INTS2: variants seen among roughly 807,000 people sequenced by gnomAD.
INTS2 encodes the protein integrator complex subunit 2.
A neutral mutation model predicts 139.6 loss-of-function variants in INTS2; 57 were observed. The observed-to-expected ratio is 0.41, with a 90% CI of 0.33 to 0.51. INTS2 has a LOEUF of 0.51. Among genes scored for constraint, INTS2 ranks in the 20% least tolerant of loss-of-function variants. INTS2 has a pLI of 0.28. For missense variants in INTS2, 1,196 were observed against 1,436.7 expected (o/e 0.83, Z 2.71); for synonymous variants, 473 against 493.4 (o/e 0.96, Z 0.55).
rs113294013 is a variant in INTS2, at chr17:61,888,556, T to TGTGC, written c.1984+1226_1984+1229dup. On this transcript the variant is annotated intron_variant, in intron 15 of 24. Transcript: ENST00000251334. ...CAGTGACATTCTCTGTGTGCGTGTG[T>TGTGC]GTGCGTGCGTGTGTGTGTGTGTGTG... is the stretch of plus-strand genomic sequence containing the variant. Among the ~76,000 whole-genome samples the TGTGC allele has an allele frequency of 3.4e-3, 414 of 120,544 alleles. 4 individuals carry two copies. Among genetic ancestry groups the TGTGC allele is most frequent in the African/African-American group, 8.6e-3 (294 of 34,218 alleles). The allele number at this position is 120,544 out of a possible 152,430, so 79.1% of individuals were successfully genotyped here. A position where few individuals can be genotyped will look rare whatever the true frequency, so the allele number is the denominator to read the frequency against.
At position 61,921,837 on chromosome 17, in the gene INTS2, GAA is replaced by G; in HGVS notation, c.433-12_433-11del. On this transcript the variant is annotated splice_polypyrimidine_tract_variant and intron_variant, in intron 3 of 24. Coordinates refer to ENST00000251334, the MANE Select transcript of INTS2 (RefSeq NM_001351695.2). Reference sequence around the variant, plus strand: ...CGTTGGACTCAGACACCTTAAAAAAGAAAAAAAAAAGATATAAACTCTATTAA... The same window carrying G: ...CGTTGGACTCAGACACCTTAAAAAAGAAAAAAAAGATATAAACTCTATTAA... 11 of 1,232,666 alleles carry G rather than the reference GAA, an allele frequency of 8.9e-6. No individual in the cohort carries two copies. The highest frequency in any genetic ancestry group is 1.2e-5 in the Non-Finnish European group (11 of 892,908). 76.4% of individuals were successfully genotyped at this position (1,232,666 alleles called of 1,614,324 possible). A position where few individuals can be genotyped will look rare whatever the true frequency, so the allele number is the denominator to read the frequency against.
intron 2 of INTS2, among the ~76,000 whole-genome samples, chr17:61,925,820 T>C (rs540778137): frequency 1.3e-5 from 2 of 151,004 alleles, no homozygotes; most frequent in Admixed American, 6.6e-5. Context: ...AGGCCAGGAG[T>C]TGGAGACCAG....
chr17:61,867,559 A>G lies in INTS2; in HGVS notation c.3589T>C (p.Ter1197GlnextTer4). 6.3e-7 allele frequency: 1 copy of G among 1,586,290 alleles called. No homozygotes were observed. Among genetic ancestry groups the G allele is most frequent in the Non-Finnish European group, 8.6e-7 (1 of 1,165,266 alleles). The change falls in exon 25 of 25, where the codon TAA becomes CAA. Residue 1197 changes from the stop codon to glutamine, a stop_lost. Coordinates refer to ENST00000251334, the MANE Select transcript of INTS2 (RefSeq NM_001351695.2). The surrounding 1 kb of genome is among the most constrained non-coding windows in gnomAD (Gnocchi z 5.6). The part of the protein sequence containing the change: ...EIINMSVSGI[*>Q] ...TTTTTGTTGTTTTAAATTTTGTTTT[A>G]AATTCCACTAACACTCATATTTATT...
At chr17:61,905,547 G>A (rs183822573) in intron 8 of INTS2, among the ~76,000 whole-genome samples, 5 of 152,238 alleles carry the variant, frequency 3.3e-5, no homozygotes, top group Non-Finnish European at 5.9e-5. Flanking sequence ...GGTTGTCCTC[G>A]AACTCCTGAC....
chr17:61,878,025 A>C lies in INTS2; in HGVS notation c.2318T>G (p.Leu773Arg), dbSNP rs780648607. The C allele has an allele frequency of 1.9e-6, 3 of 1,612,720 alleles. No individual in the cohort carries two copies. The highest frequency in any genetic ancestry group is 1.3e-5 in the African/African-American group (1 of 75,028). The change falls in exon 18 of 25, where the codon CTC becomes CGC. Residue 773 changes from leucine to arginine, a missense_variant. Leu to Arg is a moderately radical substitution (Grantham distance 102). Transcript: ENST00000251334. ...ATATGGTATAAGTTCACTGGCAGAG[A>C]GTAGAGTCAAGTGTTCTATAATCTG... ...VMQIIEHLTL[L>R]SASELIPYAE...
Position 61,877,888 on chromosome 17 carries a change from T to G in INTS2, c.2455A>C (p.Arg819=), listed in dbSNP as rs754458935. ...CATGTAACAATACACTGAATTTACC[T>G]TCTAGGCATCACAGTATTAAGAACC... ...WMVLNTVMPR[R]LWVMTVNALQ... The change falls in exon 18 of 25, where the codon AGG becomes CGG. Residue 819 remains arginine, a splice_region_variant and synonymous_variant. Coordinates refer to ENST00000251334, the MANE Select transcript of INTS2 (RefSeq NM_001351695.2). 6.2e-7 allele frequency: 1 copy of G among 1,604,868 alleles called. No individual in the cohort carries two copies. Among genetic ancestry groups the G allele is most frequent in the East Asian group, 2.2e-5 (1 of 44,824 alleles).
At chr17:61,915,832 A>AC (rs1423982661) in intron 5 of INTS2, among the ~76,000 whole-genome samples, 1 of 150,708 alleles carries the variant, frequency 6.6e-6, no homozygotes, top group Admixed American at 6.6e-5. Context: ...AAAAAAAAAA[A>AC]AAAAAAAATC....
intron 7 of INTS2, 121 bp downstream of exon 7, chr17:61,911,399 C>A: frequency 1.3e-6 from 1 of 755,896 alleles, no homozygotes; most frequent in South Asian, 3.9e-5. Context: ...TAAGGAGGTC[C>A]CTGAAACTAG....
chr17:61,894,104 G>A (rs923390050), intron 12 of INTS2: 5 of 363,388 alleles, frequency 1.4e-5, no homozygotes, highest in Non-Finnish European at 2.4e-5. Flanking sequence ...CTAATTTTTT[G>A]TTTATAAACA....
chr17:61,905,757 G>A (rs1276906944), intron 8 of INTS2, among the ~76,000 whole-genome samples: 3 of 152,112 alleles, frequency 2.0e-5, no homozygotes, highest in Non-Finnish European at 2.9e-5. Flanking sequence ...GACTGCAATG[G>A]TGCAATCTTA....
intron 11 of INTS2, among the ~76,000 whole-genome samples, chr17:61,895,741 T>C (rs1012681348): frequency 2.0e-5 from 3 of 152,070 alleles, no homozygotes; most frequent in Non-Finnish European, 2.9e-5. Context: ...CACAAATATA[T>C]GTATATATGT....
At chr17:61,891,774 TGA>T in intron 13 of INTS2, 85 bp from the exon 14 acceptor site, 1 of 934,856 alleles carries the variant, frequency 1.1e-6, no homozygotes, top group Non-Finnish European at 1.6e-6. Flanking sequence ...CAGTTTTACA[TGA>T]ATTATGAATC....
chr17:61,914,811 C>T (rs2079563266), intron 5 of INTS2, among the ~76,000 whole-genome samples: 1 of 150,972 alleles, frequency 6.6e-6, no homozygotes, highest in African/African-American at 2.4e-5. Flanking sequence ...GAGATCAATG[C>T]TGCAGTGAAT....
Position 61,881,142 on chromosome 17 carries a change from C to T in INTS2, c.2119G>A (p.Ala707Thr), listed in dbSNP as rs1238308839. Reference sequence around the variant, plus strand: ...ATACATAAATGTGGGTAGTTAGTAGCAAGGAGACGTAGTAAAGCTGAATGC... The same window carrying T: ...ATACATAAATGTGGGTAGTTAGTAGTAAGGAGACGTAGTAAAGCTGAATGC... ...GLHSALLRLLATNYPHLCIVD... is the reference protein window; with the variant it reads ...GLHSALLRLLTTNYPHLCIVD... The change falls in exon 17 of 25, where the codon GCT becomes ACT. Residue 707 changes from alanine (A) to threonine (T), a missense_variant. Transcript: ENST00000251334. The T allele has an allele frequency of 2.5e-6, 4 of 1,613,292 alleles. No homozygotes were observed. The African/African-American group carries it at 4.0e-5, about 16-fold the overall frequency.
chr17:61,918,571 CAAT>C (rs1249394778), intron 5 of INTS2, among the ~76,000 whole-genome samples: 1 of 152,124 alleles, frequency 6.6e-6, no homozygotes. Context: ...AGAGCTCACA[CAAT>C]AAGTGAATGA....
At chr17:61,908,718 A>G (rs2079492238) in intron 7 of INTS2, among the ~76,000 whole-genome samples, 1 of 152,204 alleles carries the variant, frequency 6.6e-6, no homozygotes, top group African/African-American at 2.4e-5. Context: ...AAAGACAACT[A>G]CAAACAAGAT....
chr17:61,885,651 C>T (rs2079220352), intron 15 of INTS2, among the ~76,000 whole-genome samples: 1 of 151,478 alleles, frequency 6.6e-6, no homozygotes. Context: ...AATTCCTGAA[C>T]TCAGGGGGAT....
At chr17:61,899,475 C>T (rs1446970149) in intron 9 of INTS2, among the ~76,000 whole-genome samples, 1 of 152,056 alleles carries the variant, frequency 6.6e-6, no homozygotes, top group African/African-American at 2.4e-5. Context: ...TGGTCTCGAA[C>T]TCCTGACCTT....
Position 61,911,934 on chromosome 17 carries a change from A to G in INTS2, c.780+6T>C, listed in dbSNP as rs2079530588. On this transcript the variant is annotated splice_donor_region_variant and intron_variant, in intron 6 of 24. Transcript: ENST00000251334. ...CCTTTGTCTAATAAAACACAGGATC[A>G]CTTACCACCATGCCTCGGACCTTGA... The G allele has an allele frequency of 6.2e-7, 1 of 1,608,626 alleles. No individual in the cohort carries two copies. Among genetic ancestry groups the G allele is most frequent in the Admixed American group, 1.7e-5 (1 of 58,164 alleles).
Sources: gnomAD v4.1 joint callset for allele counts (sites outside exome capture counted in the v4.1 genomes callset) on GRCh38, gnomAD v4.1.1 for gene constraint, Gnocchi (gnomAD v3.1) non-coding constraint, MANE v1.5 for transcripts, NCBI Gene and HGNC (gene_info 2026-07-23, HGNC 2026-07-21) for gene names.